RAB11FIP2: variants seen among roughly 807,000 people sequenced by gnomAD.
The protein encoded by RAB11FIP2 is RAB11 family interacting protein 2.
RAB11FIP2 carries 16 observed loss-of-function variants against 40.9 expected under a neutral mutation model. That is an observed-to-expected ratio of 0.39 (90% CI 0.26 to 0.59). RAB11FIP2 has a LOEUF of 0.59. Ranked by LOEUF, RAB11FIP2 falls within the 20% of genes least tolerant of loss-of-function variation. The pLI, the probability that RAB11FIP2 is intolerant of heterozygous loss-of-function variation, is 0.53. For synonymous variants in RAB11FIP2, 228 were observed against 213.7 expected (o/e 1.07, Z -0.58); for missense variants, 532 against 606.2 (o/e 0.88, Z 1.28).
Position 118,040,091 on chromosome 10 carries a change from G to A in RAB11FIP2, c.796+32C>T, listed in dbSNP as rs771944312. On this transcript the variant is annotated intron_variant, in intron 2 of 4. Coordinates refer to ENST00000355624, the MANE Select transcript of RAB11FIP2 (RefSeq NM_014904.3). ...CTTTAAAAACTAAAAGGGTAGTTCA[G>A]ACCAATGAGTACACAAGAATGTGAC... 33 of 1,563,802 alleles carry A rather than the reference G, an allele frequency of 2.1e-5. No individual in the cohort carries two copies. In the South Asian group the frequency reaches 3.5e-4, roughly 16 times the overall value.
intron 3 of RAB11FIP2, among the ~76,000 whole-genome samples, chr10:118,038,513 T>C (rs1846510254): frequency 6.6e-6 from 1 of 152,126 alleles, no homozygotes; most frequent in South Asian, 2.1e-4. Flanking sequence ...TTAATAAGGA[T>C]AATTAACATC....
chr10:118,024,628 A>C (rs576140698), intron 3 of RAB11FIP2, among the ~76,000 whole-genome samples: 19 of 152,252 alleles, frequency 1.2e-4, no homozygotes. Context: ...AGACAGACCC[A>C]GCAGTCTTGA....
intron 3 of RAB11FIP2, among the ~76,000 whole-genome samples, chr10:118,038,075 C>A (rs916999727): frequency 2.6e-5 from 4 of 151,542 alleles, no homozygotes; most frequent in African/African-American, 9.7e-5. Context: ...TTGATTGAAT[C>A]CAAAAATGCA....
intron 3 of RAB11FIP2, among the ~76,000 whole-genome samples, chr10:118,016,810 G>A (rs1051628145): frequency 6.6e-6 from 1 of 152,144 alleles, no homozygotes; most frequent in Non-Finnish European, 1.5e-5. Flanking sequence ...CTTTGATTAT[G>A]TCTTGGTTCC....
intron 3 of RAB11FIP2, among the ~76,000 whole-genome samples, chr10:118,019,813 G>A (rs1340518731): frequency 3.4e-5 from 5 of 148,650 alleles, no homozygotes; most frequent in East Asian, 2.0e-4. Flanking sequence ...GGGAAGGAGC[G>A]AGACTCTGCC....
chr10:118,038,816 A>C (rs1344639601), intron 3 of RAB11FIP2, 156 bp downstream of exon 3: 2 of 597,114 alleles, frequency 3.3e-6, no homozygotes, highest in African/African-American at 3.8e-5. Flanking sequence ...AAATATATGC[A>C]ACATTGCCTG....
At chr10:118,036,460 T>C (rs182506142) in intron 3 of RAB11FIP2, among the ~76,000 whole-genome samples, 14 of 152,088 alleles carry the variant, frequency 9.2e-5, no homozygotes, top group Admixed American at 2.6e-4. Flanking sequence ...GGAGGAAAAA[T>C]AGAACTATAC....
chr10:118,024,682 A>T (rs1255638337), intron 3 of RAB11FIP2, among the ~76,000 whole-genome samples: 10 of 152,030 alleles, frequency 6.6e-5, no homozygotes, highest in Admixed American at 6.5e-4. Context: ...TAATGTGGAG[A>T]GATGTGACTC....
chr10:118,005,895 G>C lies in RAB11FIP2; in HGVS notation c.*3103C>G, dbSNP rs574657802. The stretch of plus-strand genomic sequence containing the variant: ...TCACTAATGAGCTTAGTTTTACTTA[G>C]GTTTCCATTCATGAAACCCTTTTAA... On this transcript the variant is annotated 3_prime_UTR_variant, in exon 5 of 5. Transcript: ENST00000355624. 1.3e-5 allele frequency: 2 copies of C among 152,562 alleles called. No individual in the cohort carries two copies. The highest frequency in any genetic ancestry group is 6.6e-5 in the Admixed American group (1 of 15,262). 9.5% of individuals were successfully genotyped at this position (152,562 alleles called of 1,614,324 possible).
At position 118,004,960 on chromosome 10, in the gene RAB11FIP2, T is replaced by C. The variant is rs549657608; in HGVS notation, c.*4038A>G. 5 of 152,748 alleles carry C rather than the reference T, an allele frequency of 3.3e-5. No individual in the cohort carries two copies. Among genetic ancestry groups the C allele is most frequent in the African/African-American group, 1.2e-4 (5 of 41,582 alleles). 9.5% of individuals were successfully genotyped at this position (152,748 alleles called of 1,614,324 possible). ...TCAACTATAAGTCAATAATCATATA[T>C]TATATAAAAATTCTGATTCATGCAT... On this transcript the variant is annotated 3_prime_UTR_variant, in exon 5 of 5. Coordinates refer to ENST00000355624, the MANE Select transcript of RAB11FIP2 (RefSeq NM_014904.3).
chr10:118,039,708 T>C (rs940745602), intron 2 of RAB11FIP2: 7 of 409,526 alleles, frequency 1.7e-5, no homozygotes, highest in Middle Eastern at 6.5e-4. Flanking sequence ...CTAGAGGTTC[T>C]GGTTGGCATG....
chr10:118,034,284 G>A lies in RAB11FIP2; in HGVS notation c.1265+4688C>T, dbSNP rs551971796. On this transcript the variant is annotated intron_variant, in intron 3 of 4. Coordinates refer to ENST00000355624, the MANE Select transcript of RAB11FIP2 (RefSeq NM_014904.3). The stretch of plus-strand genomic sequence containing the variant: ...TAAGAGTGTTAAGAGGACATTCCAT[G>A]GGCCAGACCTGAAAGTGGTATACAT... Among the ~76,000 whole-genome samples, 3 of 151,970 alleles carry A rather than the reference G, an allele frequency of 2.0e-5. No homozygotes were observed. In the East Asian group the frequency reaches 5.8e-4, roughly 29 times the overall value.
intron 3 of RAB11FIP2, among the ~76,000 whole-genome samples, chr10:118,024,163 T>C (rs1008359736): frequency 2.0e-5 from 3 of 151,578 alleles, no homozygotes; most frequent in African/African-American, 4.8e-5. Flanking sequence ...AATCTCAACA[T>C]AAAGCCTATG....
chr10:118,035,501 C>G (rs1333894981), intron 3 of RAB11FIP2, among the ~76,000 whole-genome samples: 1 of 152,042 alleles, frequency 6.6e-6, no homozygotes, highest in Non-Finnish European at 1.5e-5. Context: ...AAGTAGGAGG[C>G]TAACGGAATG....
rs1181455828 is a variant in RAB11FIP2, at chr10:118,046,155, C to T, written c.9G>A (p.Leu3=). MM[L]SEQAQKWFPT... ...GAAACCACTTTTGGGCTTGCTCGGA[C>T]AGCATCATCCTGTCCTGTTTCTCTG... Residue 3 remains leucine (L), a synonymous_variant, in exon 1 of 5, where the codon CTG becomes CTA. Coordinates refer to ENST00000355624, the MANE Select transcript of RAB11FIP2 (RefSeq NM_014904.3). The T allele has an allele frequency of 6.2e-7, 1 of 1,613,266 alleles. No homozygotes were observed. Among genetic ancestry groups the T allele is most frequent in the Non-Finnish European group, 8.5e-7 (1 of 1,179,658 alleles).
intron 3 of RAB11FIP2, among the ~76,000 whole-genome samples, chr10:118,023,985 G>A (rs1479596056): frequency 6.6e-6 from 1 of 151,786 alleles, no homozygotes; most frequent in Admixed American, 6.6e-5. Flanking sequence ...AGCTACTCAG[G>A]AGGCTGAGGC....
intron 4 of RAB11FIP2, 117 bp from the exon 5 acceptor site, chr10:118,009,342 TTG>T: frequency 5.4e-6 from 5 of 930,450 alleles, no homozygotes; most frequent in Non-Finnish European, 6.4e-6. Context: ...TTCGCTAGCC[TTG>T]CTTAAAGTGA....
chr10:118,016,074 G>A (rs1400544056), intron 3 of RAB11FIP2, among the ~76,000 whole-genome samples: 2 of 152,184 alleles, frequency 1.3e-5, no homozygotes, highest in Admixed American at 1.3e-4. Flanking sequence ...ATATAATGTT[G>A]GTAAAGTATC....
Position 118,011,391 on chromosome 10 carries a change from GCA to G in RAB11FIP2, c.1312-2168_1312-2167del, listed in dbSNP as rs58953157. On this transcript the variant is annotated intron_variant, in intron 4 of 4. Transcript: ENST00000355624. ...ATCTTTTATAAGTCTACACACATGC[GCA>G]CACACACACACACACTCTCATGCAC... 6.0e-5 allele frequency among the ~76,000 whole-genome samples: 9 copies of G among 149,904 alleles called. No individual in the cohort carries two copies. In the East Asian group the frequency reaches 7.8e-4, roughly 13 times the overall value.
Sources: gnomAD v4.1 joint callset for allele counts (sites outside exome capture counted in the v4.1 genomes callset) on GRCh38, gnomAD v4.1.1 for gene constraint, MANE v1.5 for transcripts, NCBI Gene and HGNC (gene_info 2026-07-23, HGNC 2026-07-21) for gene names.